Variants in MTR observed in about 807,000 individuals in gnomAD.
MTR encodes the protein 5-methyltetrahydrofolate-homocysteine methyltransferase.
MTR carries 84 observed loss-of-function variants against 154.8 expected under a neutral mutation model. The ratio of observed to expected loss-of-function variants is 0.54; its 90% confidence interval spans 0.45 to 0.65. The LOEUF (loss-of-function observed/expected upper bound fraction) is 0.65, where lower values mean the gene tolerates loss of function less well. Ranked by LOEUF, MTR falls within the 30% of genes least tolerant of loss-of-function variation. The pLI is 0.00. For missense variants in MTR, 1,275 were observed against 1,570.2 expected (o/e 0.81, Z 3.18); for synonymous variants, 554 against 553.9 (o/e 1.00, Z 0.00).
rs1468931112 is a variant in MTR at position 236,900,186 on chromosome 1, G to T, written c.*2542G>T. 2.4e-6 allele frequency: 1 copy of T among 409,250 alleles called. No individual in the cohort carries two copies. The highest frequency in any genetic ancestry group is 4.9e-6 in the Non-Finnish European group (1 of 203,652). The allele number at this position is 409,250 out of a possible 1,614,324, so 25.4% of individuals were successfully genotyped here. On this transcript the variant is annotated 3_prime_UTR_variant, in exon 33 of 33. Coordinates refer to ENST00000366577, the MANE Select transcript of MTR (RefSeq NM_000254.3). ...TGTATGTCTGTCTACAGGAAAATAG[G>T]TGAATAATTAGATATATATATTCAT...
intron 18 of MTR, among the ~76,000 whole-genome samples, chr1:236,857,247 T>C (rs1215643695): frequency 1.3e-5 from 2 of 152,222 alleles, no homozygotes; most frequent in Non-Finnish European, 2.9e-5. Flanking sequence ...TATCTCATTG[T>C]GCTTTTGATT....
Position 236,862,282 on chromosome 1 carries a change from T to C in MTR, c.2243T>C (p.Ile748Thr), listed in dbSNP as rs1037788544. The change falls in exon 21 of 33, where the codon ATC (isoleucine) becomes ACC (threonine). Residue 748 changes from isoleucine to threonine, a missense_variant. Ile to Thr is a moderately conservative substitution (Grantham distance 89, BLOSUM62 -1). Transcript: ENST00000366577. ...ATGAAGAAGGCTGTTGGCCACCTTATCCCTTTCATGGAAAAAGAAAGAGAA... is the reference window on the plus strand; with the variant it reads ...ATGAAGAAGGCTGTTGGCCACCTTACCCCTTTCATGGAAAAAGAAAGAGAA... ...RVMKKAVGHL[I>T]PFMEKEREET... 3.7e-6 allele frequency: 6 copies of C among 1,613,902 alleles called. No homozygotes were observed. In the African/African-American group the frequency reaches 5.3e-5, roughly 14 times the overall value.
Position 236,903,165 on chromosome 1 carries a change from G to A in MTR, c.*5521G>A, listed in dbSNP as rs1666995564. ...AATAAAAAGTCTAAGAGGATACACA[G>A]AAATTTTTAAGTGGTTACCTCCACG... On this transcript the variant is annotated 3_prime_UTR_variant, in exon 33 of 33. Coordinates refer to ENST00000366577, the MANE Select transcript of MTR (RefSeq NM_000254.3). 6.6e-6 allele frequency: 1 copy of A among 152,198 alleles called. No individual in the cohort carries two copies. The allele number at this position is 152,198 out of a possible 1,614,324, so 9.4% of individuals were successfully genotyped here. A position where few individuals can be genotyped will look rare whatever the true frequency, so the allele number is the denominator to read the frequency against.
chr1:236,810,696 T>TA (rs1299760081), intron 5 of MTR, 101 bp downstream of exon 5: 3 of 970,368 alleles, frequency 3.1e-6, no homozygotes, highest in Non-Finnish European at 5.0e-6. Flanking sequence ...GGATCTACCT[T>TA]AGAGTTACTG....
intron 15 of MTR, among the ~76,000 whole-genome samples, chr1:236,844,682 C>T (rs1237186583): frequency 6.6e-6 from 1 of 152,050 alleles, no homozygotes; most frequent in Non-Finnish European, 1.5e-5. Flanking sequence ...ACAGTTTGCT[C>T]AAAGTACAAA....
At chr1:236,840,567 G>C (rs4659726) in intron 15 of MTR, among the ~76,000 whole-genome samples, 104,857 of 152,070 alleles carry the variant, frequency 0.69, 36,737 homozygotes, top group East Asian at 0.81. Flanking sequence ...AATGAGAGAG[G>C]AAGCCACATG....
chr1:236,895,681 C>G (rs1666585362), intron 31 of MTR, 131 bp downstream of exon 31: 1 of 851,882 alleles, frequency 1.2e-6, no homozygotes, highest in African/African-American at 2.9e-5. Flanking sequence ...TTATGCTGTC[C>G]TTTTTCACTC....
rs71559983 is a variant in MTR, at chr1:236,802,678, T to TAA, written c.35-741_35-740dup. Among the ~76,000 whole-genome samples the TAA allele has an allele frequency of 3.0e-3, 438 of 147,172 alleles. 2 individuals are homozygous for TAA. Among genetic ancestry groups the TAA allele is most frequent in the African/African-American group, 0.011 (426 of 40,244 alleles). On this transcript the variant is annotated intron_variant, in intron 1 of 32. Coordinates refer to ENST00000366577, the MANE Select transcript of MTR (RefSeq NM_000254.3). Reference sequence around the variant, plus strand: ...AGTGAGGAGGAAAAGGATTTGGTGCTAAAAAAAAAAGTAGAAATTGGGACA... The same window carrying TAA: ...AGTGAGGAGGAAAAGGATTTGGTGCTAAAAAAAAAAAAGTAGAAATTGGGACA...
In MTR at chr1:236,903,449, T is replaced by G. The variant is rs926716064; in HGVS notation, c.*5805T>G. 1.3e-5 allele frequency: 2 copies of G among 151,652 alleles called. No homozygotes were observed. The highest frequency in any genetic ancestry group is 4.9e-5 in the African/African-American group (2 of 40,948). The allele number at this position is 151,652 out of a possible 1,614,324, so 9.4% of individuals were successfully genotyped here. On this transcript the variant is annotated 3_prime_UTR_variant, in exon 33 of 33. Coordinates refer to ENST00000366577, the MANE Select transcript of MTR (RefSeq NM_000254.3). ...ATCTAATTCCATTTACACTGCATTC[T>G]TCAAATGTAATTTTCAAAGATGCCT...
intron 8 of MTR, among the ~76,000 whole-genome samples, chr1:236,821,636 C>G (rs1661956199): frequency 6.6e-6 from 1 of 152,038 alleles, no homozygotes; most frequent in South Asian, 2.1e-4. Flanking sequence ...AAACTCATTG[C>G]CAAACCCACG....
At chr1:236,804,624 TAA>T (rs1660875319) in intron 2 of MTR, among the ~76,000 whole-genome samples, 1 of 152,214 alleles carries the variant, frequency 6.6e-6, no homozygotes, top group Non-Finnish European at 1.5e-5. Context: ...TCCTAGGCAT[TAA>T]GTTTATTTTC....
At chr1:236,825,140 A>ATTTTT (rs749672025) in intron 9 of MTR, among the ~76,000 whole-genome samples, 198 bp from the exon 10 acceptor site, 20 of 114,122 alleles carry the variant, frequency 1.8e-4, no homozygotes, top group African/African-American at 5.8e-4. Flanking sequence ...TTCCTCTGTG[A>ATTTTT]TTTTTTTTTT....
chr1:236,859,949 G>T, intron 19 of MTR, 27 bp downstream of exon 19: 2 of 1,596,044 alleles, frequency 1.3e-6, no homozygotes, highest in Non-Finnish European at 1.7e-6. Flanking sequence ...TGAACTGGAG[G>T]GCTGGAGGCT....
intron 22 of MTR, among the ~76,000 whole-genome samples, chr1:236,864,683 G>A (rs536085295): frequency 1.2e-4 from 19 of 152,238 alleles, no homozygotes; most frequent in African/African-American, 3.1e-4. Flanking sequence ...TAAGGTGTTC[G>A]CTTCCTAAAG....
chr1:236,798,563 C>T (rs1660532358), intron 1 of MTR, among the ~76,000 whole-genome samples: 1 of 152,184 alleles, frequency 6.6e-6, no homozygotes, highest in Non-Finnish European at 1.5e-5. Flanking sequence ...CTCTTAGGCT[C>T]ACTAGCCAAG....
At position 236,873,931 on chromosome 1, in the gene MTR, GCCC is replaced by G. The variant is rs200001208; in HGVS notation, c.2473+93_2473+95del. The G allele has an allele frequency of 0.015, 19,101 of 1,261,600 alleles. 1,228 individuals carry two copies. The East Asian group carries it at 0.17, about 11-fold the overall frequency. 78.2% of individuals were successfully genotyped at this position (1,261,600 alleles called of 1,614,324 possible). On this transcript the variant is annotated intron_variant, in intron 23 of 32. Transcript: ENST00000366577. ...TAGTTGTCTGTCAGTGAATAGTGATGCCCCATGAGGGTTCTGTGGGACATACAA... is the reference window on the plus strand; with the variant it reads ...TAGTTGTCTGTCAGTGAATAGTGATGCATGAGGGTTCTGTGGGACATACAA...
At chr1:236,893,325 C>T (rs1166684469) in intron 29 of MTR, among the ~76,000 whole-genome samples, 2 of 152,176 alleles carry the variant, frequency 1.3e-5, no homozygotes, top group Non-Finnish European at 2.9e-5. Flanking sequence ...GCTGTACTTG[C>T]TTCCACGGCG....
intron 12 of MTR, 151 bp downstream of exon 12, chr1:236,829,419 G>A (rs1662482794): frequency 1.3e-6 from 1 of 757,302 alleles, no homozygotes; most frequent in South Asian, 1.4e-5. Flanking sequence ...TTCTAGTGAA[G>A]AACCCTTTGT....
rs980644569 is a variant in MTR, at chr1:236,806,196, C to T, written c.302C>T (p.Thr101Ile). 1 of 1,614,164 alleles carries T rather than the reference C, an allele frequency of 6.2e-7. No homozygotes were observed. The highest frequency in any genetic ancestry group is 1.7e-5 in the Admixed American group (1 of 60,024). ...ATTGAAACAAATACTTTTAGCAGCA[C>T]TAGTATTGCCCAAGCTGACTATGGC... ...DIIETNTFSS[T>I]SIAQADYGLE... Residue 101 changes from threonine to isoleucine, a missense_variant, in exon 3 of 33, where the codon ACT (threonine) becomes ATT (isoleucine). Thr to Ile is a moderately conservative substitution (Grantham distance 89). Transcript: ENST00000366577.
Sources: gnomAD v4.1 joint callset for allele counts (sites outside exome capture counted in the v4.1 genomes callset) on GRCh38, gnomAD v4.1.1 for gene constraint, MANE v1.5 for transcripts, NCBI Gene and HGNC (gene_info 2026-07-23, HGNC 2026-07-21) for gene names.